The following MIPEP variants were observed in gnomAD, a reference collection of about 807,000 sequenced individuals.
MIPEP encodes the protein mitochondrial intermediate peptidase.
A neutral mutation model predicts 90.3 loss-of-function variants in MIPEP; 79 were observed. The ratio of observed to expected loss-of-function variants is 0.87; its 90% CI spans 0.73 to 1.05. The LOEUF (loss-of-function observed/expected upper bound fraction) is 1.05. Ranked by LOEUF, MIPEP falls within the 50% of genes least tolerant of loss-of-function variation. The pLI, the probability that MIPEP is intolerant of heterozygous loss-of-function variation, is 0.00. For synonymous variants in MIPEP, 334 were observed against 315.8 expected (o/e 1.06, Z -0.61); for missense variants, 940 against 905.6 (o/e 1.04, Z -0.49).
intron 16 of MIPEP, among the ~76,000 whole-genome samples, chr13:23,788,165 T>A (rs1018389035): frequency 6.6e-6 from 1 of 152,260 alleles, no homozygotes; most frequent in Non-Finnish European, 1.5e-5. Context: ...TTTGCTAATG[T>A]TTCAAAGTTT....
intron 16 of MIPEP, among the ~76,000 whole-genome samples, chr13:23,763,214 A>G (rs1952565646): frequency 2.0e-5 from 3 of 152,200 alleles, no homozygotes; most frequent in Non-Finnish European, 2.9e-5. Context: ...ATCCTAATCT[A>G]CTAAATGATG....
intron 18 of MIPEP, among the ~76,000 whole-genome samples, chr13:23,735,834 A>G (rs141385717): frequency 9.5e-4 from 145 of 152,312 alleles, no homozygotes; most frequent in African/African-American, 3.0e-3. Flanking sequence ...CTGTTATGCT[A>G]GCCCTGCTCT....
Position 23,764,746 on chromosome 13 carries a change from G to A in MIPEP, c.1849-4529C>T, listed in dbSNP as rs77781744. ...CTAATTTTTAAAAAAAATTTTTGTAGAGATGAGGGTCTCTCTCTGTTTCCC... is the reference window on the plus strand; with the variant it reads ...CTAATTTTTAAAAAAAATTTTTGTAAAGATGAGGGTCTCTCTCTGTTTCCC... On this transcript the variant is annotated intron_variant, in intron 16 of 18. Coordinates refer to ENST00000382172, the MANE Select transcript of MIPEP (RefSeq NM_005932.4). Among the ~76,000 whole-genome samples the A allele has an allele frequency of 5.7e-3, 875 of 152,192 alleles. 10 individuals are homozygous for A. The highest frequency in any genetic ancestry group is 0.02 in the African/African-American group (821 of 41,520).
chr13:23,794,617 C>A (rs1258660571), intron 16 of MIPEP, among the ~76,000 whole-genome samples: 7 of 152,056 alleles, frequency 4.6e-5, no homozygotes, highest in African/African-American at 1.7e-4. Flanking sequence ...TACTAATAGC[C>A]TGGATTTTTA....
chr13:23,870,230 G>C (rs559637035), intron 5 of MIPEP, 35 bp from the exon 6 acceptor site: 5 of 1,371,128 alleles, frequency 3.6e-6, no homozygotes, highest in African/African-American at 1.5e-5. Context: ...ATTTAAAGGC[G>C]TTTTGAATTA....
At chr13:23,871,985 A>C (rs1870829892) in intron 5 of MIPEP, among the ~76,000 whole-genome samples, 1 of 152,262 alleles carries the variant, frequency 6.6e-6, no homozygotes, top group Admixed American at 6.5e-5. Context: ...GGAAAAATCA[A>C]AACTGAGTTC....
intron 18 of MIPEP, among the ~76,000 whole-genome samples, chr13:23,749,459 G>A (rs777470430): frequency 4.6e-5 from 7 of 152,150 alleles, no homozygotes; most frequent in Non-Finnish European, 1.0e-4. Flanking sequence ...TTGAATAAAC[G>A]TGTCATCCTG....
chr13:23,845,824 T>A (rs768404819), intron 10 of MIPEP, among the ~76,000 whole-genome samples: 3 of 152,214 alleles, frequency 2.0e-5, no homozygotes, highest in Admixed American at 1.3e-4. Context: ...TCTTTAGCTA[T>A]GTGTGCTGCA....
rs546467620 is a variant in MIPEP at position 23,791,459 on chromosome 13, T to C, written c.1848+14491A>G. Among the ~76,000 whole-genome samples, 4 of 152,276 alleles carry C rather than the reference T, an allele frequency of 2.6e-5. No homozygotes were observed. The South Asian group carries it at 6.2e-4, about 24-fold the overall frequency. ...GCTCAGCTGGTGCCCTGCTTCCGAT[T>C]GACTGAGCAAAGCCCCGGAAGAGGA... On this transcript the variant is annotated intron_variant, in intron 16 of 18. Transcript: ENST00000382172.
intron 18 of MIPEP, among the ~76,000 whole-genome samples, chr13:23,732,692 T>C (rs1392976418): frequency 1.3e-5 from 2 of 152,236 alleles, no homozygotes; most frequent in Admixed American, 1.3e-4. Flanking sequence ...ATTCCATTTA[T>C]ATGAAGTTCA....
At chr13:23,811,840 C>T (rs890706378) in intron 14 of MIPEP, among the ~76,000 whole-genome samples, 3 of 152,188 alleles carry the variant, frequency 2.0e-5, no homozygotes, top group African/African-American at 7.2e-5. Context: ...GTTTCAGTTC[C>T]CCAGGCCCCT....
intron 16 of MIPEP, among the ~76,000 whole-genome samples, chr13:23,794,467 T>C (rs1478172885): frequency 6.6e-6 from 1 of 152,192 alleles, no homozygotes; most frequent in Non-Finnish European, 1.5e-5. Flanking sequence ...TGTCCGGCTC[T>C]CATTCCTTGT....
intron 13 of MIPEP, 45 bp downstream of exon 13, chr13:23,837,507 G>C: frequency 7.2e-7 from 1 of 1,388,418 alleles, no homozygotes; most frequent in East Asian, 2.3e-5. Context: ...GAAAATGTAT[G>C]TTTGTAAAGG....
At chr13:23,760,562 T>C (rs1390818106) in intron 16 of MIPEP, 1 of 546,398 alleles carries the variant, frequency 1.8e-6, no homozygotes, top group Non-Finnish European at 3.7e-6. Flanking sequence ...GAAAGGTGGA[T>C]GCCAGGGTGT....
In MIPEP at chr13:23,837,547, C is replaced by T; in HGVS notation, c.1543+5G>A. The T allele has an allele frequency of 2.5e-6, 4 of 1,603,148 alleles. No homozygotes were observed. Among genetic ancestry groups the T allele is most frequent in the Non-Finnish European group, 3.4e-6 (4 of 1,170,418 alleles). ...TAGTAAATAAAAGCCCTCCTCATGG[C>T]TCACCAGTGACGTGTTGGTAACGAG... On this transcript the variant is annotated splice_donor_5th_base_variant and intron_variant, in intron 13 of 18. Transcript: ENST00000382172.
rs41283990 is a variant in MIPEP, at chr13:23,869,308, C to T, written c.927G>A (p.Thr309=). Residue 309 remains threonine, a synonymous_variant, in exon 7 of 19, where the codon ACG becomes ACA. Transcript: ENST00000382172. ...CAGGCTTACCTGGATTTTTAGCTAT[C>T]GTTCCTTGGAGAGCCCTGTGAGAAA... ...STFSHRALQG[T]IAKNPETVMQ... 1,378 of 1,597,254 alleles carry T rather than the reference C, an allele frequency of 8.6e-4. 2 individuals are homozygous for T. Among genetic ancestry groups the T allele is most frequent in the Non-Finnish European group, 1.1e-3 (1,248 of 1,174,968 alleles).
intron 10 of MIPEP, among the ~76,000 whole-genome samples, chr13:23,849,639 T>C (rs1349464738): frequency 6.6e-6 from 1 of 152,198 alleles, no homozygotes; most frequent in African/African-American, 2.4e-5. Flanking sequence ...ATGGTATAAT[T>C]AGGTCTTTTA....
intron 4 of MIPEP, among the ~76,000 whole-genome samples, chr13:23,876,549 G>C (rs1392763105): frequency 6.6e-6 from 1 of 152,122 alleles, no homozygotes; most frequent in Admixed American, 6.6e-5. Flanking sequence ...TGTGAAATGA[G>C]AGTTTCACAA....
intron 7 of MIPEP, among the ~76,000 whole-genome samples, chr13:23,866,255 C>A (rs1174066761): frequency 2.6e-5 from 4 of 152,184 alleles, no homozygotes; most frequent in African/African-American, 9.7e-5. Context: ...ACTCCATCGA[C>A]ACCGAAAACG....
Sources: allele counts gnomAD v4.1 joint callset (sites outside exome capture counted in the v4.1 genomes callset), GRCh38; gene constraint gnomAD v4.1.1; transcripts MANE v1.5; gene names NCBI Gene and HGNC (gene_info 2026-07-23, HGNC 2026-07-21).